The following ARHGAP24 variants were observed in gnomAD, a reference collection of about 807,000 sequenced individuals.
The protein encoded by ARHGAP24 is Rho GTPase activating protein 24, also known as rho GTPase-activating protein 24.
ARHGAP24 carries 50 observed loss-of-function variants against 76.4 expected under a neutral mutation model. The ratio of observed to expected loss-of-function variants is 0.65; its 90% CI spans 0.52 to 0.83. The LOEUF is 0.83. Ranked by LOEUF, ARHGAP24 falls within the 40% of genes least tolerant of loss-of-function variation. The pLI, the probability that ARHGAP24 is intolerant of heterozygous loss-of-function variation, is 0.00. For missense variants in ARHGAP24, 930 were observed against 914.2 expected (o/e 1.02, Z -0.22); for synonymous variants, 345 against 323.3 (o/e 1.07, Z -0.72).
intron 2 of ARHGAP24, among the ~76,000 whole-genome samples, chr4:85,665,106 C>A (rs1424091286): frequency 1.3e-5 from 2 of 151,740 alleles, no homozygotes; most frequent in Non-Finnish European, 2.9e-5. Flanking sequence ...CTAATGTTGA[C>A]AGTGGGGTGT....
chr4:85,867,617 A>G (rs758836937), intron 3 of ARHGAP24, among the ~76,000 whole-genome samples: 120 of 151,896 alleles, frequency 7.9e-4, no homozygotes, highest in Non-Finnish European at 1.4e-3. Context: ...CTTTTTTGAG[A>G]GGAAAAAAGT....
intron 1 of ARHGAP24, among the ~76,000 whole-genome samples, chr4:85,529,988 T>C (rs17010356): frequency 0.12 from 18,385 of 152,002 alleles, 3,133 homozygotes; most frequent in African/African-American, 0.38. Flanking sequence ...ACTAGAGTGA[T>C]ATTCAATTAA....
chr4:85,542,600 G>A (rs1026032298), intron 1 of ARHGAP24, among the ~76,000 whole-genome samples: 1 of 152,026 alleles, frequency 6.6e-6, no homozygotes, highest in African/African-American at 2.4e-5. Flanking sequence ...TCTCCCTTAG[G>A]GACAGTCATG....
At chr4:85,911,842 T>A (rs1735103466) in intron 3 of ARHGAP24, among the ~76,000 whole-genome samples, 1 of 152,188 alleles carries the variant, frequency 6.6e-6, no homozygotes, top group Non-Finnish European at 1.5e-5. Flanking sequence ...TTACTTAATA[T>A]TATCTAAAAT....
intron 2 of ARHGAP24, among the ~76,000 whole-genome samples, chr4:85,652,207 A>G (rs181024044): frequency 1.1e-4 from 17 of 152,298 alleles, no homozygotes; most frequent in Non-Finnish European, 1.8e-4. Context: ...TGATCAGATG[A>G]TTTTGACTTC....
chr4:85,783,606 G>T (rs919819553), intron 3 of ARHGAP24, among the ~76,000 whole-genome samples: 1 of 152,074 alleles, frequency 6.6e-6, no homozygotes, highest in East Asian at 1.9e-4. Context: ...GGGGCAGGAA[G>T]TGAAAGCATA....
intron 3 of ARHGAP24, among the ~76,000 whole-genome samples, chr4:85,911,844 A>G (rs1030384300): frequency 5.3e-5 from 8 of 152,194 alleles, no homozygotes; most frequent in African/African-American, 1.7e-4. Flanking sequence ...ACTTAATATT[A>G]TCTAAAATTA....
At chr4:85,906,777 T>C (rs1285248064) in intron 3 of ARHGAP24, among the ~76,000 whole-genome samples, 1 of 152,156 alleles carries the variant, frequency 6.6e-6, no homozygotes, top group Non-Finnish European at 1.5e-5. Flanking sequence ...CAGTAATAGG[T>C]TGACTTATAA....
At chr4:85,779,524 T>C (rs910158414) in intron 3 of ARHGAP24, among the ~76,000 whole-genome samples, 7 of 152,206 alleles carry the variant, frequency 4.6e-5, no homozygotes, top group African/African-American at 1.4e-4. Flanking sequence ...TGCCTCCAGT[T>C]TGCTTCTATA....
intron 5 of ARHGAP24, among the ~76,000 whole-genome samples, chr4:85,944,034 C>T (rs1312823176): frequency 6.6e-5 from 10 of 152,128 alleles, no homozygotes; most frequent in African/African-American, 2.4e-4. Flanking sequence ...GGAATCACCA[C>T]GCAGTCTTCC....
At chr4:85,632,673 T>G (rs1721195285) in intron 2 of ARHGAP24, among the ~76,000 whole-genome samples, 1 of 152,044 alleles carries the variant, frequency 6.6e-6, no homozygotes, top group Admixed American at 6.6e-5. Context: ...AAGTCTGCAT[T>G]AATTAATAAC....
rs985022823 is a variant in ARHGAP24 at position 85,972,355 on chromosome 4, C to CA, written c.732+196dup. ...CACCATTTCCGATCCCCTCTCTGAT[C>CA]AAAAAAAAAGAATATGGCTGAATAA... On this transcript the variant is annotated intron_variant, in intron 6 of 9. Transcript: ENST00000395184. 1.3e-3 allele frequency: 865 copies of CA among 679,518 alleles called. 1 individual carries two copies. The highest frequency in any genetic ancestry group is 1.9e-3 in the Admixed American group (63 of 33,288). The allele number at this position is 679,518 out of a possible 1,614,324, so 42.1% of individuals were successfully genotyped here.
chr4:85,500,765 G>C (rs966462998), intron 1 of ARHGAP24, among the ~76,000 whole-genome samples: 4 of 151,974 alleles, frequency 2.6e-5, no homozygotes, highest in Non-Finnish European at 5.9e-5. Context: ...TGTGCACAAC[G>C]GGGAGGTTTG....
intron 5 of ARHGAP24, among the ~76,000 whole-genome samples, chr4:85,963,820 G>A (rs376110620): frequency 2.5e-4 from 38 of 151,944 alleles, no homozygotes; most frequent in African/African-American, 8.2e-4. Flanking sequence ...TTCAAATATC[G>A]TATTCAAAAG....
Position 85,721,962 on chromosome 4 carries a change from A to G in ARHGAP24, c.258A>G (p.Glu86=), listed in dbSNP as rs1467947224. The change falls in exon 3 of 10, where the codon GAA becomes GAG. Residue 86 remains glutamate, a synonymous_variant. Coordinates refer to ENST00000395184, the MANE Select transcript of ARHGAP24 (RefSeq NM_001025616.3). ...AGAACCCAGGGAAGTTCCTTTTTGA[A>G]GTAGTTCCAGGTAAGATATTTTCCT... ...NEENPGKFLF[E]VVPGGDRDRM... is the part of the protein sequence containing the mutation. The G allele has an allele frequency of 6.8e-6, 11 of 1,612,860 alleles. No individual in the cohort carries two copies. The East Asian group carries it at 2.2e-4, about 33-fold the overall frequency.
chr4:85,880,265 T>G (rs774173677), intron 3 of ARHGAP24, among the ~76,000 whole-genome samples: 1 of 152,196 alleles, frequency 6.6e-6, no homozygotes, highest in Non-Finnish European at 1.5e-5. Context: ...GATGATACAA[T>G]GCCTACATGT....
chr4:85,476,233 TAA>T (rs973001381), intron 1 of ARHGAP24, among the ~76,000 whole-genome samples: 2 of 152,042 alleles, frequency 1.3e-5, no homozygotes, highest in Non-Finnish European at 2.9e-5. Flanking sequence ...AGAAAATACT[TAA>T]GACTACATTT....
chr4:85,951,579 C>T (rs1436436800), intron 5 of ARHGAP24, among the ~76,000 whole-genome samples: 17 of 152,156 alleles, frequency 1.1e-4, no homozygotes, highest in Admixed American at 8.5e-4. Context: ...GCTATGGATC[C>T]GTTTGGGGTC....
rs191891698 is a variant in ARHGAP24, at chr4:85,816,256, T to C, written c.268+94284T>C. 3.9e-5 allele frequency among the ~76,000 whole-genome samples: 6 copies of C among 152,326 alleles called. No individual in the cohort carries two copies. In the East Asian group the frequency reaches 5.8e-4, roughly 15 times the overall value. On this transcript the variant is annotated intron_variant, in intron 3 of 9. Transcript: ENST00000395184. The stretch of plus-strand genomic sequence containing the variant: ...TGCTGTACATTAGGTCTCCAGAACA[T>C]ATTCATCCTGCCTAACTGAAACTTT...
Sources: gnomAD v4.1 joint callset for allele counts (sites outside exome capture counted in the v4.1 genomes callset) on GRCh38, gnomAD v4.1.1 for gene constraint, MANE v1.5 for transcripts, NCBI Gene and HGNC (gene_info 2026-07-23, HGNC 2026-07-21) for gene names.